CNTNAP5: variants seen among roughly 807,000 people sequenced by gnomAD.
The protein encoded by CNTNAP5 is contactin associated protein family member 5, also known as contactin-associated protein-like 5.
In CNTNAP5, 72 loss-of-function variants were observed where a neutral mutation model predicts 150.2. The observed-to-expected ratio is 0.48, with a 90% confidence interval of 0.40 to 0.58. The LOEUF is 0.58. Among genes scored for constraint, CNTNAP5 ranks in the 20% least tolerant of loss-of-function variants. The pLI is 0.00. For synonymous variants in CNTNAP5, 672 were observed against 619.8 expected (o/e 1.08, Z -1.25); for missense variants, 1,636 against 1,626.2 (o/e 1.01, Z -0.10).
chr2:124,204,958 C>A (rs1409067189), intron 1 of CNTNAP5, among the ~76,000 whole-genome samples: 2 of 152,058 alleles, frequency 1.3e-5, no homozygotes, highest in Non-Finnish European at 2.9e-5. Flanking sequence ...GCTACTGAGG[C>A]CAGGAAGTTC....
intron 14 of CNTNAP5, among the ~76,000 whole-genome samples, chr2:124,759,938 CTTTTTTTTTTTT>C (rs571408475): frequency 2.4e-5 from 2 of 83,646 alleles, no homozygotes; most frequent in African/African-American, 4.6e-5. Context: ...ACTCCTCGGT[CTTTTTTTTTTTT>C]TTTTTTTTTT....
intron 9 of CNTNAP5, among the ~76,000 whole-genome samples, chr2:124,525,603 A>T (rs1694946284): frequency 6.6e-6 from 1 of 152,348 alleles, no homozygotes; most frequent in Admixed American, 6.5e-5. Context: ...GCACATGTGC[A>T]GTGTACATAT....
intron 3 of CNTNAP5, among the ~76,000 whole-genome samples, chr2:124,336,693 A>C (rs578170598): frequency 6.6e-6 from 1 of 152,064 alleles, no homozygotes; most frequent in East Asian, 2.0e-4. Context: ...GTCCCTGCAA[A>C]GGACATGAAC....
intron 19 of CNTNAP5, among the ~76,000 whole-genome samples, chr2:124,846,611 G>A (rs1683052813): frequency 6.6e-6 from 1 of 152,266 alleles, no homozygotes; most frequent in Admixed American, 6.5e-5. Context: ...CATTGCTGGT[G>A]AGCTGGTATG....
chr2:124,297,845 T>TATCATC (rs1293895662), intron 3 of CNTNAP5, among the ~76,000 whole-genome samples: 3 of 119,542 alleles, frequency 2.5e-5, no homozygotes, highest in African/African-American at 9.2e-5. Flanking sequence ...TTATTATTAT[T>TATCATC]ATTATTATTA....
At chr2:124,522,290 T>A (rs1396499048) in intron 8 of CNTNAP5, among the ~76,000 whole-genome samples, 1 of 152,198 alleles carries the variant, frequency 6.6e-6, no homozygotes, top group African/African-American at 2.4e-5. Context: ...AAGGCAGGTC[T>A]ATTTTACCTG....
At chr2:124,147,293 T>C (rs2104627155) in intron 1 of CNTNAP5, among the ~76,000 whole-genome samples, 1 of 152,272 alleles carries the variant, frequency 6.6e-6, no homozygotes, top group Admixed American at 6.5e-5. Context: ...ATTCAATGCA[T>C]GTACTATATA....
chr2:124,186,626 C>T (rs1329870420), intron 1 of CNTNAP5, among the ~76,000 whole-genome samples: 5 of 152,050 alleles, frequency 3.3e-5, no homozygotes, highest in African/African-American at 4.8e-5. Flanking sequence ...TTAAGTGTTC[C>T]AACCTGAGGG....
At chr2:124,358,542 T>TC (rs2104711186) in intron 3 of CNTNAP5, among the ~76,000 whole-genome samples, 1 of 152,290 alleles carries the variant, frequency 6.6e-6, no homozygotes, top group South Asian at 2.1e-4. Flanking sequence ...AAAGGCTTTT[T>TC]CTGCATCTAT....
At chr2:124,120,533 G>T (rs1228890170) in intron 1 of CNTNAP5, among the ~76,000 whole-genome samples, 1 of 152,190 alleles carries the variant, frequency 6.6e-6, no homozygotes, top group Non-Finnish European at 1.5e-5. Flanking sequence ...GTTATAACAG[G>T]TTTAGAAACT....
At chr2:124,818,263 C>T (rs1050437483) in intron 19 of CNTNAP5, among the ~76,000 whole-genome samples, 1 of 152,076 alleles carries the variant, frequency 6.6e-6, no homozygotes, top group Non-Finnish European at 1.5e-5. Flanking sequence ...AACCATGATC[C>T]CTGGAAGTAT....
chr2:124,263,577 A>T (rs886690690), intron 3 of CNTNAP5, among the ~76,000 whole-genome samples: 2 of 151,902 alleles, frequency 1.3e-5, no homozygotes, highest in African/African-American at 2.4e-5. Context: ...GACTGCAAAA[A>T]TTTTCTCCCC....
intron 19 of CNTNAP5, among the ~76,000 whole-genome samples, chr2:124,857,490 G>A (rs1489087701): frequency 6.6e-6 from 1 of 151,970 alleles, no homozygotes; most frequent in Admixed American, 6.6e-5. Flanking sequence ...ATTCTAGCAA[G>A]CTCCTTTGGC....
chr2:124,124,687 G>A (rs1376774885), intron 1 of CNTNAP5, among the ~76,000 whole-genome samples: 1 of 152,180 alleles, frequency 6.6e-6, no homozygotes, highest in Non-Finnish European at 1.5e-5. Context: ...CCCACAAAGG[G>A]AAGCCCATCA....
chr2:124,441,426 G>T (rs747725026), intron 5 of CNTNAP5, among the ~76,000 whole-genome samples: 2 of 151,658 alleles, frequency 1.3e-5, no homozygotes, highest in African/African-American at 2.4e-5. Context: ...AGTTTTATCC[G>T]CACATAGTGC....
At chr2:124,236,133 T>A (rs1395207356) in intron 2 of CNTNAP5, among the ~76,000 whole-genome samples, 1 of 152,080 alleles carries the variant, frequency 6.6e-6, no homozygotes, top group Non-Finnish European at 1.5e-5. Context: ...GCCCTGTTAA[T>A]TTTTGTATTT....
At chr2:124,243,825 G>A (rs779987) in intron 3 of CNTNAP5, among the ~76,000 whole-genome samples, 20,043 of 150,610 alleles carry the variant, frequency 0.13, 1,829 homozygotes, top group East Asian at 0.33. Context: ...AGTTGAAAAA[G>A]AAAAAAAATT....
chr2:124,699,624 C>G (rs1258928964), intron 13 of CNTNAP5, among the ~76,000 whole-genome samples: 1 of 152,130 alleles, frequency 6.6e-6, no homozygotes, highest in Non-Finnish European at 1.5e-5. Flanking sequence ...TTCAGTAACC[C>G]ATACTTAGAA....
chr2:124,053,962 C>T (rs1681777775), intron 1 of CNTNAP5, among the ~76,000 whole-genome samples: 1 of 152,090 alleles, frequency 6.6e-6, no homozygotes, highest in Non-Finnish European at 1.5e-5. Context: ...CCTTGGAACC[C>T]ATGCTGAGGA....
Sources: gnomAD v4.1 joint callset for allele counts (sites outside exome capture counted in the v4.1 genomes callset) on GRCh38, gnomAD v4.1.1 for gene constraint, MANE v1.5 for transcripts, NCBI Gene and HGNC (gene_info 2026-07-23, HGNC 2026-07-21) for gene names.